The following ANOS1 variants were observed in gnomAD, a reference collection of about 807,000 sequenced individuals.
ANOS1 encodes the protein anosmin-1.
ANOS1 carries 6 observed loss-of-function variants against 59.0 expected under a neutral mutation model. The ratio of observed to expected loss-of-function variants is 0.10; its 90% confidence interval spans 0.06 to 0.20. The LOEUF (loss-of-function observed/expected upper bound fraction) is 0.20, where lower values mean the gene tolerates loss of function less well. Among genes scored for constraint, ANOS1 ranks in the 10% least tolerant of loss-of-function variants. ANOS1 has a pLI of 1.00. For synonymous variants in ANOS1, 217 were observed against 223.4 expected, an observed-to-expected ratio of 0.97 and a Z score of 0.25; for missense variants, 433 against 542.3, an observed-to-expected ratio of 0.80 and a Z score of 2.00.
intron 2 of ANOS1, among the ~76,000 whole-genome samples, chrX:8,656,933 T>A (rs1452606296): frequency 1.8e-5 from 2 of 111,832 alleles, no homozygotes; most frequent in Non-Finnish European, 3.8e-5. Context: ...AAACTTGGGA[T>A]GTCCTGAGTG....
intron 2 of ANOS1, among the ~76,000 whole-genome samples, chrX:8,666,788 C>T (rs1398437973): frequency 9.0e-6 from 1 of 111,730 alleles, no homozygotes; most frequent in Non-Finnish European, 1.9e-5. Context: ...GATAAGTCCC[C>T]TTCAACTTTG....
At chrX:8,571,141 C>G (rs1930226680) in intron 6 of ANOS1, among the ~76,000 whole-genome samples, 1 of 106,940 alleles carries the variant, frequency 9.4e-6, no homozygotes, top group Non-Finnish European at 1.9e-5. Flanking sequence ...AAAAGAAAGG[C>G]AAAGCTGAAA....
chrX:8,695,699 GAAAAAA>G (rs774226890), intron 2 of ANOS1, among the ~76,000 whole-genome samples: 1 of 51,773 alleles, frequency 1.9e-5, no homozygotes, highest in Admixed American at 2.5e-4. Flanking sequence ...TATAAGGGTG[GAAAAAA>G]AAAAAAAAAA....
At chrX:8,659,641 T>C (rs750840468) in intron 2 of ANOS1, among the ~76,000 whole-genome samples, 414 of 96,247 alleles carry the variant, frequency 4.3e-3, no homozygotes, top group African/African-American at 0.017. Flanking sequence ...TTCTTTCTTT[T>C]CTCTTTTTTC....
chrX:8,605,645 CAAAA>C (rs368596236), intron 3 of ANOS1, among the ~76,000 whole-genome samples: 1 of 47,911 alleles, frequency 2.1e-5, no homozygotes, highest in Non-Finnish European at 3.9e-5. Context: ...GACTCCATCT[CAAAA>C]AAAAAAAAAA....
At chrX:8,569,519 G>A (rs1011963127) in intron 7 of ANOS1, among the ~76,000 whole-genome samples, 1 of 111,588 alleles carries the variant, frequency 9.0e-6, no homozygotes, top group Non-Finnish European at 1.9e-5. Flanking sequence ...GCGGGCGCCT[G>A]TAGTCCCAGC....
At chrX:8,698,591 G>A (rs1337448070) in intron 2 of ANOS1, among the ~76,000 whole-genome samples, 1 of 111,977 alleles carries the variant, frequency 8.9e-6, no homozygotes, top group African/African-American at 3.2e-5. Context: ...GAAAATGTCT[G>A]GACAGAACAA....
At chrX:8,659,151 C>T (rs189551645) in intron 2 of ANOS1, among the ~76,000 whole-genome samples, 3,344 of 109,913 alleles carry the variant, frequency 0.03, 85 homozygotes, top group African/African-American at 0.085. Context: ...CGCGTGAACC[C>T]GGGAGGCGGA....
chrX:8,615,298 A>G (rs956656852), intron 3 of ANOS1, among the ~76,000 whole-genome samples: 2 of 111,415 alleles, frequency 1.8e-5, no homozygotes, highest in Non-Finnish European at 3.8e-5. Context: ...TAATTCCAAC[A>G]CTTTGGGAGG....
intron 3 of ANOS1, among the ~76,000 whole-genome samples, chrX:8,603,958 G>C (rs1930892143): frequency 9.0e-6 from 1 of 111,431 alleles, no homozygotes; most frequent in African/African-American, 3.3e-5. Flanking sequence ...ATTAGCAGTG[G>C]CAGTTGGTCA....
chrX:8,717,784 G>C (rs1932850421), intron 1 of ANOS1, among the ~76,000 whole-genome samples: 1 of 112,321 alleles, frequency 8.9e-6, no homozygotes, highest in South Asian at 3.7e-4. Context: ...GCCCAGATGG[G>C]AGGATCTCTT....
At chrX:8,623,013 CTGGATGGATGGATGGATGATGGATGGA>C (rs1054934448) in intron 3 of ANOS1, among the ~76,000 whole-genome samples, 3 of 100,439 alleles carry the variant, frequency 3.0e-5, no homozygotes, top group African/African-American at 1.1e-4. Flanking sequence ...GGATGGATAG[CTGGATGGATGGATGGATGATGGATGGA>C]TGGATGGATG....
At chrX:8,608,979 G>C (rs1008468225) in intron 3 of ANOS1, among the ~76,000 whole-genome samples, 1 of 112,304 alleles carries the variant, frequency 8.9e-6, no homozygotes, top group African/African-American at 3.2e-5. Context: ...CTTTATAGCA[G>C]TATGAAAACA....
At chrX:8,692,899 T>C (rs1369461636) in intron 2 of ANOS1, among the ~76,000 whole-genome samples, 1 of 112,363 alleles carries the variant, frequency 8.9e-6, no homozygotes, top group Non-Finnish European at 1.9e-5. Flanking sequence ...AATTTGCAAG[T>C]TTTTCTCTTC....
intron 4 of ANOS1, among the ~76,000 whole-genome samples, chrX:8,591,916 GAAATCT>G (rs1436579310): frequency 8.9e-6 from 1 of 112,530 alleles, no homozygotes; most frequent in Non-Finnish European, 1.9e-5. Context: ...TTAGTCATCT[GAAATCT>G]AAATGATTCT....
At chrX:8,703,315 G>C (rs972306200) in intron 1 of ANOS1, among the ~76,000 whole-genome samples, 1 of 111,984 alleles carries the variant, frequency 8.9e-6, no homozygotes, top group Non-Finnish European at 1.9e-5. Flanking sequence ...CTGTTGCCTG[G>C]GGTTCCAAAA....
intron 3 of ANOS1, among the ~76,000 whole-genome samples, chrX:8,606,308 GA>G (rs1930942508): frequency 9.0e-6 from 1 of 111,690 alleles, no homozygotes; most frequent in Non-Finnish European, 1.9e-5. Context: ...ACCTAAGTAT[GA>G]AACTAAAATT....
intron 2 of ANOS1, among the ~76,000 whole-genome samples, chrX:8,679,714 T>C (rs1932391265): frequency 9.0e-6 from 1 of 111,141 alleles, no homozygotes; most frequent in Non-Finnish European, 1.9e-5. Context: ...TCCGGAGATC[T>C]GTTGCACAAC....
rs1601984344 is a variant in ANOS1, at chrX:8,619,695, G to A, written c.318+3913C>T. The stretch of plus-strand genomic sequence containing the variant: ...TTACCGTGCAAATTATAACAAAATC[G>A]GTAATCAAATGAGAAGTGAGAGAGA... On this transcript the variant is annotated intron_variant, in intron 3 of 13. Coordinates refer to ENST00000262648, the MANE Select transcript of ANOS1 (RefSeq NM_000216.4). Among the ~76,000 whole-genome samples, 9 of 112,026 alleles carry A rather than the reference G, an allele frequency of 8.0e-5. No individual in the cohort carries two copies. The South Asian group carries it at 2.2e-3, about 27-fold the overall frequency.
Sources: gnomAD v4.1 joint callset for allele counts (sites outside exome capture counted in the v4.1 genomes callset) on GRCh38, gnomAD v4.1.1 for gene constraint, MANE v1.5 for transcripts, NCBI Gene and HGNC (gene_info 2026-07-23, HGNC 2026-07-21) for gene names.